The following ARX variants were observed in gnomAD, a reference collection of about 807,000 sequenced individuals.
The protein encoded by ARX is homeobox protein ARX.
A neutral mutation model predicts 23.1 loss-of-function variants in ARX; 1 was observed. The observed-to-expected ratio is 0.04, with a 90% CI of 0.02 to 0.21. The LOEUF (loss-of-function observed/expected upper bound fraction) is 0.21, where lower values mean the gene tolerates loss of function less well. Ranked by LOEUF, ARX falls within the 10% of genes least tolerant of loss-of-function variation. The pLI is 1.00. For synonymous variants in ARX, 301 were observed against 270.1 expected (o/e 1.11, Z -1.12); for missense variants, 380 against 527.5 (o/e 0.72, Z 2.74).
Position 25,015,759 on chromosome X carries a change from C to T in ARX, c.-22G>A. ...TCATGGCTGGGGCTTTTTCCCAGGG[C>T]GCAGAGAGCGGATCGCCGGCTGCCT... On this transcript the variant is annotated 5_prime_UTR_variant, in exon 1 of 5. Transcript: ENST00000379044. 8.5e-7 allele frequency: 1 copy of T among 1,179,255 alleles called. No individual in the cohort carries two copies. Among genetic ancestry groups the T allele is most frequent in the South Asian group, 1.9e-5 (1 of 53,751 alleles).
chrX:25,015,126 G>C (rs947998489), intron 1 of ARX, among the ~76,000 whole-genome samples: 1 of 111,849 alleles, frequency 8.9e-6, no homozygotes, highest in African/African-American at 3.3e-5. Flanking sequence ...CTTCCAAAGA[G>C]GAAAGGCCAA....
At position 25,013,677 on chromosome X, in the gene ARX, CGCCGCCGCCGCCGCT is replaced by C. The variant is rs1156871090; in HGVS notation, c.303_317del (p.Ala111_Ala115del). 1.2e-5 allele frequency: 10 copies of C among 830,331 alleles called. No individual in the cohort carries two copies. The highest frequency in any genetic ancestry group is 1.4e-5 in the Non-Finnish European group (10 of 690,061). 68.4% of individuals were successfully genotyped at this position (830,331 alleles called of 1,213,427 possible). A position where few individuals can be genotyped will look rare whatever the true frequency, so the allele number is the denominator to read the frequency against. On this transcript the variant is annotated inframe_deletion, in exon 2 of 5. Transcript: ENST00000379044. ...CGGCCGCTGCCGCCGCCGCCGCCGC[CGCCGCCGCCGCCGCT>C]GCCGCACCCTGAAGGAGGCGGCCCC...
rs765137802 is a variant in ARX, at chrX:25,010,246, G to A, written c.1119+14C>T. 4.0e-5 allele frequency: 48 copies of A among 1,192,904 alleles called. No homozygotes were observed. The highest frequency in any genetic ancestry group is 5.2e-5 in the Non-Finnish European group (46 of 890,540). ...GCCCTCCTCCCTCCCTCTTCCCTCT[G>A]TTGTGCAGCTCACCTGGACTCGGGC... On this transcript the variant is annotated intron_variant, in intron 3 of 4. Coordinates refer to ENST00000379044, the MANE Select transcript of ARX (RefSeq NM_139058.3).
Position 25,015,857 on chromosome X carries a change from C to A in ARX, c.-120G>T. On this transcript the variant is annotated 5_prime_UTR_variant, in exon 1 of 5. Transcript: ENST00000379044. ...TAGCGGGTTATAACGGATATTATTG[C>A]GATCTTTGTGCCTTTCTGCCTCCCT... The A allele has an allele frequency of 3.7e-6, 3 of 816,346 alleles. No homozygotes were observed. The highest frequency in any genetic ancestry group is 6.9e-5 in the East Asian group (2 of 28,875). 67.3% of individuals were successfully genotyped at this position (816,346 alleles called of 1,213,427 possible).
At position 25,004,608 on chromosome X, in the gene ARX, A is replaced by T. The variant is rs1248640783; in HGVS notation, c.*62T>A. 2.2e-5 allele frequency: 25 copies of T among 1,157,882 alleles called. 1 individual carries two copies. Among genetic ancestry groups the T allele is most frequent in the Non-Finnish European group, 3.4e-6 (3 of 870,545 alleles). On this transcript the variant is annotated 3_prime_UTR_variant, in exon 5 of 5. Coordinates refer to ENST00000379044, the MANE Select transcript of ARX (RefSeq NM_139058.3). Reference sequence around the variant, plus strand: ...GGTCCTCTGTTTCCATTTGGTCTTGAGTGGTGCTGAGTGAGGTGACCTTTC... The same window carrying T: ...GGTCCTCTGTTTCCATTTGGTCTTGTGTGGTGCTGAGTGAGGTGACCTTTC...
intron 4 of ARX, chrX:25,006,539 C>G (rs1322443715): frequency 9.0e-6 from 1 of 111,601 alleles, no homozygotes. Flanking sequence ...TCTTTTATTT[C>G]GTTGTCTTGT....
intron 2 of ARX, among the ~76,000 whole-genome samples, 165 bp downstream of exon 2, chrX:25,012,757 G>C (rs768546815): frequency 1.3e-4 from 15 of 112,408 alleles, no homozygotes; most frequent in African/African-American, 4.8e-4. Context: ...CGGGGGAGTG[G>C]GTAGTTTGGG....
chrX:25,012,896 C>A, intron 2 of ARX, 26 bp downstream of exon 2: 1 of 1,197,068 alleles, frequency 8.4e-7, no homozygotes, highest in Non-Finnish European at 1.1e-6. Flanking sequence ...TCTGCCGCTG[C>A]GACCGCGACC....
chrX:25,014,716 C>T (rs2048719194), intron 1 of ARX, among the ~76,000 whole-genome samples: 1 of 112,325 alleles, frequency 8.9e-6, no homozygotes. Flanking sequence ...TTAAATGCCC[C>T]CTTCTCAACC....
rs1420698459 is a variant in ARX, at chrX:25,003,736, C to T, written c.*934G>A. 1 of 111,930 alleles carries T rather than the reference C, an allele frequency of 8.9e-6. No individual in the cohort carries two copies. The highest frequency in any genetic ancestry group is 1.9e-5 in the Non-Finnish European group (1 of 53,241). The allele number at this position is 111,930 out of a possible 1,213,427, so 9.2% of individuals were successfully genotyped here. ...TTTTTTTATTTTGAGCGTGACACTT[C>T]TCCACTAGATAGCAAGGAAAAGTGG... On this transcript the variant is annotated 3_prime_UTR_variant, in exon 5 of 5. Coordinates refer to ENST00000379044, the MANE Select transcript of ARX (RefSeq NM_139058.3).
Position 25,015,884 on chromosome X carries a change from GGTTGCCGGCTGCC to G in ARX, c.-160_-148del. The G allele has an allele frequency of 5.8e-6, 4 of 684,677 alleles. No homozygotes were observed. The highest frequency in any genetic ancestry group is 8.9e-6 in the Non-Finnish European group (4 of 450,073). 56.4% of individuals were successfully genotyped at this position (684,677 alleles called of 1,213,427 possible). ...ATCTTTGTGCCTTTCTGCCTCCCTTGGTTGCCGGCTGCCGGCTCCCGCCCTGCCCGCGGCCCGA... is the reference window on the plus strand; with the variant it reads ...ATCTTTGTGCCTTTCTGCCTCCCTTGGGCTCCCGCCCTGCCCGCGGCCCGA... On this transcript the variant is annotated 5_prime_UTR_variant, in exon 1 of 5. Transcript: ENST00000379044.
rs398124519 is a variant in ARX at position 25,013,074 on chromosome X, G to T, written c.921C>A (p.Gly307=). 1.7e-5 allele frequency: 20 copies of T among 1,200,036 alleles called. No individual in the cohort carries two copies. In the Admixed American group the frequency reaches 4.0e-4, roughly 24 times the overall value. The part of the protein sequence containing the change: ...LHPEDAEGKD[G]EDSVCLSAGS... The stretch of plus-strand genomic sequence containing the variant: ...CCGCAGAGAGGCACACGCTGTCCTC[G>T]CCGTCCTTGCCCTCAGCGTCTTCCG... The change falls in exon 2 of 5, where the codon GGC becomes GGA. Residue 307 remains glycine (G), a synonymous_variant. Coordinates refer to ENST00000379044, the MANE Select transcript of ARX (RefSeq NM_139058.3).
At chrX:25,009,602 G>A (rs1261981423) in intron 3 of ARX, among the ~76,000 whole-genome samples, 1 of 111,453 alleles carries the variant, frequency 9.0e-6, no homozygotes, top group Non-Finnish European at 1.9e-5. Context: ...AGTGTTGATC[G>A]TCTCTTTGGT....
chrX:25,007,264 G>A lies in ARX; in HGVS notation c.1295C>T (p.Ala432Val). ...GGCGGCGGCGGCGGCGGCGGCAGCG[G>A]CAGTCCAAGCGGAGTCGAGCGCCGG... is the stretch of plus-strand genomic sequence containing the variant. ...HHPALDSAWT[A>V]AAAAAAAAFP... Residue 432 changes from alanine (A) to valine (V), a missense_variant, in exon 4 of 5, where the codon GCC becomes GTC. Coordinates refer to ENST00000379044, the MANE Select transcript of ARX (RefSeq NM_139058.3). The A allele has an allele frequency of 8.9e-7, 1 of 1,117,486 alleles. No individual in the cohort carries two copies. The highest frequency in any genetic ancestry group is 1.9e-5 in the African/African-American group (1 of 53,086). The allele number at this position is 1,117,486 out of a possible 1,213,427, so 92.1% of individuals were successfully genotyped here.
At chrX:25,007,087 C>A in intron 4 of ARX, 24 bp downstream of exon 4, 1 of 1,179,398 alleles carries the variant, frequency 8.5e-7, no homozygotes, top group East Asian at 3.2e-5. Flanking sequence ...GACAGACAGA[C>A]AGACTTCCGA....
intron 3 of ARX, 84 bp downstream of exon 3, chrX:25,010,176 A>AC (rs762866252): frequency 1.2e-3 from 334 of 277,470 alleles, no homozygotes; most frequent in African/African-American, 2.5e-3. Flanking sequence ...CACCCCCCGC[A>AC]CCCCCCCGCC....
chrX:25,011,368 G>C (rs1167475503), intron 2 of ARX, among the ~76,000 whole-genome samples: 1 of 111,664 alleles, frequency 9.0e-6, no homozygotes, highest in African/African-American at 3.3e-5. Context: ...TTGGAAAGAG[G>C]TGGGGGTGGG....
rs587783141 is a variant in ARX, at chrX:25,013,193, C to A, written c.802G>T (p.Val268Leu). ...GCGGCCACGGCGCCAGTGGCGGCCACAGGACAGCGCCGGGGCTCCTTGAGC... is the reference window on the plus strand; with the variant it reads ...GCGGCCACGGCGCCAGTGGCGGCCAAAGGACAGCGCCGGGGCTCCTTGAGC... ...ALLKEPRRCP[V>L]AATGAVAAAA... is the part of the protein sequence containing the mutation. The change falls in exon 2 of 5, where the codon GTG becomes TTG. Residue 268 changes from valine to leucine, a missense_variant. Physicochemically the swap from Val to Leu is conservative, Grantham distance 32 (BLOSUM62 1). Coordinates refer to ENST00000379044, the MANE Select transcript of ARX (RefSeq NM_139058.3). The A allele has an allele frequency of 6.5e-4, 771 of 1,177,440 alleles. 2 individuals carry two copies. Among genetic ancestry groups the A allele is most frequent in the Non-Finnish European group, 3.5e-4 (310 of 879,961 alleles).
chrX:25,012,554 C>G (rs1190135637), intron 2 of ARX, among the ~76,000 whole-genome samples: 1 of 113,079 alleles, frequency 8.8e-6, no homozygotes, highest in Non-Finnish European at 1.9e-5. Flanking sequence ...GACCGCAGCT[C>G]CGGAGGCCTT....
Sources: allele counts gnomAD v4.1 joint callset (sites outside exome capture counted in the v4.1 genomes callset), GRCh38; gene constraint gnomAD v4.1.1; transcripts MANE v1.5; gene names NCBI Gene and HGNC (gene_info 2026-07-23, HGNC 2026-07-21).